The following TWSG1 variants were observed in gnomAD, a reference collection of about 807,000 sequenced individuals.
TWSG1 encodes twisted gastrulation BMP signaling modulator 1.
In TWSG1, 15 loss-of-function variants were observed where a neutral mutation model predicts 23.0. The observed-to-expected ratio is 0.65, with a 90% confidence interval of 0.44 to 1.00. TWSG1 has a LOEUF of 1.00. Among genes scored for constraint, TWSG1 ranks in the 50% least tolerant of loss-of-function variants. TWSG1 has a pLI of 0.00. For synonymous variants in TWSG1, 86 were observed against 92.8 expected (o/e 0.93, Z 0.42); for missense variants, 242 against 278.7 (o/e 0.87, Z 0.94).
chr18:9,352,341 AC>A (rs1296899917), intron 2 of TWSG1, among the ~76,000 whole-genome samples: 1 of 152,114 alleles, frequency 6.6e-6, no homozygotes, highest in Non-Finnish European at 1.5e-5. Context: ...TGATTGTTGG[AC>A]CTTGCGTGGT....
chr18:9,394,012 C>G (rs1361475974), intron 3 of TWSG1, among the ~76,000 whole-genome samples: 1 of 152,052 alleles, frequency 6.6e-6, no homozygotes, highest in African/African-American at 2.4e-5. Flanking sequence ...CTCAAAAAAC[C>G]ACAAATAGAA....
chr18:9,346,077 T>C (rs756332598), intron 2 of TWSG1, among the ~76,000 whole-genome samples: 1 of 152,200 alleles, frequency 6.6e-6, no homozygotes, highest in Non-Finnish European at 1.5e-5. Flanking sequence ...GTCTTGTATC[T>C]ACCATTACAG....
chr18:9,339,486 G>T (rs1282468175), intron 2 of TWSG1, among the ~76,000 whole-genome samples: 1 of 152,068 alleles, frequency 6.6e-6, no homozygotes, highest in African/African-American at 2.4e-5. Flanking sequence ...GTTTTGCCAT[G>T]TTGCCAAGGC....
rs2145640413 is a variant in TWSG1, at chr18:9,400,769, GTTTCAATAAATGTTTC to G, written c.*1253_*1268del. 1 of 152,158 alleles carries G rather than the reference GTTTCAATAAATGTTTC, an allele frequency of 6.6e-6. No individual in the cohort carries two copies. The allele number at this position is 152,158 out of a possible 1,614,324, so 9.4% of individuals were successfully genotyped here. A position where few individuals can be genotyped will look rare whatever the true frequency, so the allele number is the denominator to read the frequency against. ...GAATTTAGTCAACATTTTATATAAT[GTTTCAATAAATGTTTC>G]TTTCAATAAAGATACTATGTGCCCT... On this transcript the variant is annotated 3_prime_UTR_variant, in exon 5 of 5. Transcript: ENST00000262120.
At position 9,396,294 on chromosome 18, in the gene TWSG1, C is replaced by G; in HGVS notation, c.238C>G (p.Arg80Gly). Reference protein sequence around the residue: ...CCDCVGMCNPRNYSDTPPTSK... With the variant: ...CCDCVGMCNPGNYSDTPPTSK... ...CCCCAACCCAGGTATGTGTAATCCT[C>G]GAAATTATAGTGACACACCTCCAAC... Residue 80 changes from arginine (R) to glycine (G), a missense_variant, in exon 4 of 5, where the codon CGA (arginine) becomes GGA (glycine). By Grantham distance (125) the Arg-to-Gly change is moderately radical (BLOSUM62 -2). Coordinates refer to ENST00000262120, the MANE Select transcript of TWSG1 (RefSeq NM_020648.6). 1 of 1,614,018 alleles carries G rather than the reference C, an allele frequency of 6.2e-7. No homozygotes were observed. Among genetic ancestry groups the G allele is most frequent in the Non-Finnish European group, 8.5e-7 (1 of 1,180,004 alleles).
intron 3 of TWSG1, among the ~76,000 whole-genome samples, chr18:9,366,613 T>C (rs1480901957): frequency 2.0e-5 from 3 of 152,220 alleles, no homozygotes; most frequent in Non-Finnish European, 4.4e-5. Flanking sequence ...CTCTTGTATC[T>C]CAGGTCAGAT....
At chr18:9,342,070 G>T (rs1324334006) in intron 2 of TWSG1, among the ~76,000 whole-genome samples, 2 of 152,288 alleles carry the variant, frequency 1.3e-5, no homozygotes, top group Non-Finnish European at 2.9e-5. Context: ...GTGGGGAACG[G>T]AGTGTTACCT....
intron 2 of TWSG1, among the ~76,000 whole-genome samples, chr18:9,348,146 C>T (rs1278181763): frequency 6.6e-6 from 1 of 152,154 alleles, no homozygotes; most frequent in Non-Finnish European, 1.5e-5. Flanking sequence ...AATGTGTTCT[C>T]TGCTCTGAGG....
At chr18:9,344,490 C>CGTGTGTGTGTGTGTGT (rs1491456878) in intron 2 of TWSG1, among the ~76,000 whole-genome samples, 39 of 113,028 alleles carry the variant, frequency 3.5e-4, no homozygotes, top group African/African-American at 6.6e-4. Context: ...TTAGTGAATG[C>CGTGTGTGTGTGTGTGT]ATGTGTGTGT....
intron 3 of TWSG1, among the ~76,000 whole-genome samples, chr18:9,377,514 T>C (rs955012772): frequency 2.0e-5 from 3 of 151,914 alleles, no homozygotes. Context: ...CCACCGCGCC[T>C]GGCCTAAAGA....
intron 3 of TWSG1, among the ~76,000 whole-genome samples, chr18:9,373,319 A>G (rs2040614732): frequency 6.6e-6 from 1 of 152,186 alleles, no homozygotes; most frequent in African/African-American, 2.4e-5. Context: ...ACTTGAGGGC[A>G]GGAGTTCAAG....
chr18:9,388,317 T>C (rs2040695199), intron 3 of TWSG1: 1 of 152,258 alleles, frequency 6.6e-6, no homozygotes, highest in Non-Finnish European at 1.5e-5. Context: ...GTTCACTTTA[T>C]CTCAAAATCA....
chr18:9,349,642 TA>T (rs1423525295), intron 2 of TWSG1, among the ~76,000 whole-genome samples: 2 of 152,214 alleles, frequency 1.3e-5, no homozygotes, highest in African/African-American at 2.4e-5. Flanking sequence ...TTAATTACAG[TA>T]AACTAAAGAA....
chr18:9,366,547 C>T (rs899733847), intron 3 of TWSG1, among the ~76,000 whole-genome samples: 3 of 152,172 alleles, frequency 2.0e-5, no homozygotes, highest in Admixed American at 6.5e-5. Context: ...CAGTACTAAC[C>T]TTGACGGGTC....
intron 1 of TWSG1, among the ~76,000 whole-genome samples, 199 bp downstream of exon 1, chr18:9,335,119 GCATCTCTGCGCCGCTTTGGTCCAGAC>G (rs1294665939): frequency 6.6e-6 from 1 of 152,150 alleles, no homozygotes; most frequent in African/African-American, 2.4e-5. Context: ...GGAGCCAGCA[GCATCTCTGCGCCGCTTTGGTCCAGAC>G]CATCTCTGGG....
rs369376088 is a variant in TWSG1, at chr18:9,336,076, A to G, written c.-37-1117A>G. ...TAGTATCTTCTTAATAACTTTGAAG[A>G]ATGTGTGGTACTAATAGAATTAAAA... On this transcript the variant is annotated intron_variant, in intron 1 of 4. Coordinates refer to ENST00000262120, the MANE Select transcript of TWSG1 (RefSeq NM_020648.6). Among the ~76,000 whole-genome samples the G allele has an allele frequency of 1.3e-3, 195 of 152,258 alleles. 7 individuals carry two copies. In the South Asian group the frequency reaches 0.039, roughly 30 times the overall value.
intron 2 of TWSG1, among the ~76,000 whole-genome samples, chr18:9,352,101 C>G (rs2145600589): frequency 6.6e-6 from 1 of 152,266 alleles, no homozygotes; most frequent in South Asian, 2.1e-4. Flanking sequence ...CTAGCCTCAG[C>G]CCCTGGCAAC....
chr18:9,367,480 T>C (rs2040585310), intron 3 of TWSG1, among the ~76,000 whole-genome samples: 1 of 152,112 alleles, frequency 6.6e-6, no homozygotes, highest in Non-Finnish European at 1.5e-5. Flanking sequence ...TAACATGATG[T>C]CCTCCAGGTT....
At chr18:9,348,091 C>T (rs1446840240) in intron 2 of TWSG1, among the ~76,000 whole-genome samples, 1 of 152,162 alleles carries the variant, frequency 6.6e-6, no homozygotes, top group East Asian at 1.9e-4. Flanking sequence ...ACAGACTGGA[C>T]TTACAGCAGA....
Sources: allele counts gnomAD v4.1 joint callset (sites outside exome capture counted in the v4.1 genomes callset), GRCh38; gene constraint gnomAD v4.1.1; transcripts MANE v1.5; gene names NCBI Gene and HGNC (gene_info 2026-07-23, HGNC 2026-07-21).